The following SEMA3A variants were observed in gnomAD, a reference collection of about 807,000 sequenced individuals.
SEMA3A encodes the protein semaphorin-3A.
A neutral mutation model predicts 97.9 loss-of-function variants in SEMA3A; 29 were observed. The ratio of observed to expected loss-of-function variants is 0.30; its 90% CI spans 0.22 to 0.40. SEMA3A has a LOEUF of 0.40. Ranked by LOEUF, SEMA3A falls within the 10% of genes least tolerant of loss-of-function variation. The pLI, the probability that SEMA3A is intolerant of heterozygous loss-of-function variation, is 1.00. For synonymous variants in SEMA3A, 321 were observed against 323.7 expected (o/e 0.99, Z 0.09); for missense variants, 763 against 951.3 (o/e 0.80, Z 2.60).
chr7:84,091,208 GAAAGA>G (rs1192541607), intron 4 of SEMA3A, among the ~76,000 whole-genome samples: 1,587 of 67,846 alleles, frequency 0.023, 208 homozygotes, highest in Middle Eastern at 0.045. Context: ...AAGAAAGAAA[GAAAGA>G]AAAGAAAAGA....
intron 1 of SEMA3A, among the ~76,000 whole-genome samples, chr7:84,420,199 AG>A (rs1804550595): frequency 6.6e-6 from 1 of 151,406 alleles, no homozygotes; most frequent in African/African-American, 2.4e-5. Flanking sequence ...AAAAAAAAAA[AG>A]TGACAGATAC....
chr7:83,996,072 A>G (rs1361414697), intron 12 of SEMA3A, among the ~76,000 whole-genome samples: 1 of 152,172 alleles, frequency 6.6e-6, no homozygotes, highest in Non-Finnish European at 1.5e-5. Context: ...CTGTCCTAAG[A>G]GCACTGCAAC....
At chr7:84,359,172 T>A (rs1459023475) in intron 2 of SEMA3A, among the ~76,000 whole-genome samples, 1 of 152,142 alleles carries the variant, frequency 6.6e-6, no homozygotes, top group African/African-American at 2.4e-5. Context: ...CTTCCAACAC[T>A]ATGTTGAATA....
At chr7:83,992,671 G>A (rs12534705) in intron 12 of SEMA3A, among the ~76,000 whole-genome samples, 20,154 of 151,084 alleles carry the variant, frequency 0.13, 1,519 homozygotes, top group South Asian at 0.2. Context: ...TGATTGCACT[G>A]TGGTCTGAGA....
intron 2 of SEMA3A, among the ~76,000 whole-genome samples, chr7:84,337,172 T>C (rs1363129927): frequency 1.3e-5 from 2 of 152,186 alleles, no homozygotes; most frequent in Non-Finnish European, 2.9e-5. Flanking sequence ...ATTAGGAGTG[T>C]CTGGCACACA....
chr7:84,113,028 G>C (rs1431116121), intron 3 of SEMA3A, among the ~76,000 whole-genome samples: 1 of 152,320 alleles, frequency 6.6e-6, no homozygotes, highest in African/African-American at 2.4e-5. Context: ...AGGTTGTACT[G>C]TTACCATGCC....
chr7:84,015,693 C>CT (rs1297738545), intron 6 of SEMA3A, among the ~76,000 whole-genome samples: 1 of 152,212 alleles, frequency 6.6e-6, no homozygotes, highest in Non-Finnish European at 1.5e-5. Context: ...GCTTTATCCA[C>CT]ATATAATCCA....
chr7:84,397,810 A>G (rs953004783), intron 1 of SEMA3A, among the ~76,000 whole-genome samples: 1 of 152,134 alleles, frequency 6.6e-6, no homozygotes, highest in Admixed American at 6.6e-5. Context: ...TAGTCTACCT[A>G]TATGGACTTT....
chr7:84,207,496 C>A (rs35929386), intron 3 of SEMA3A, among the ~76,000 whole-genome samples: 9,576 of 152,174 alleles, frequency 0.063, 353 homozygotes, highest in African/African-American at 0.092. Context: ...CATTTTCTTA[C>A]TTAAAATATA....
In SEMA3A at chr7:84,152,956, T is replaced by C. The variant is rs186056294; in HGVS notation, c.113-18005A>G. On this transcript the variant is annotated intron_variant, in intron 1 of 16. Transcript: ENST00000265362. Reference sequence around the variant, plus strand: ...CTTTTCCCAATTATAACTGTTATTTTATCATTTCTAAGTACTCAAGGTGGA... The same window carrying C: ...CTTTTCCCAATTATAACTGTTATTTCATCATTTCTAAGTACTCAAGGTGGA... Among the ~76,000 whole-genome samples, 174 of 152,270 alleles carry C rather than the reference T, an allele frequency of 1.1e-3. 1 individual carries two copies. In the East Asian group the frequency reaches 0.013, roughly 11 times the overall value.
At chr7:84,225,646 A>G (rs1798973386) in intron 3 of SEMA3A, among the ~76,000 whole-genome samples, 4 of 152,050 alleles carry the variant, frequency 2.6e-5, no homozygotes, top group Admixed American at 2.6e-4. Flanking sequence ...GTTTGCCTGC[A>G]TCAATCACCC....
chr7:84,045,063 C>T (rs933713921), intron 6 of SEMA3A, among the ~76,000 whole-genome samples: 3 of 151,792 alleles, frequency 2.0e-5, no homozygotes, highest in Admixed American at 6.6e-5. Flanking sequence ...AGTATAGGAT[C>T]GATCAGAACA....
intron 1 of SEMA3A, among the ~76,000 whole-genome samples, chr7:84,459,589 C>A (rs1805772010): frequency 6.6e-6 from 1 of 152,152 alleles, no homozygotes; most frequent in Non-Finnish European, 1.5e-5. Flanking sequence ...AATACAGGAT[C>A]TGAATCACAA....
At chr7:83,991,756 A>C (rs1256529231) in intron 12 of SEMA3A, among the ~76,000 whole-genome samples, 1 of 145,904 alleles carries the variant, frequency 6.9e-6, no homozygotes, top group Non-Finnish European at 1.5e-5. Flanking sequence ...ATCAATGTTC[A>C]TCAAGGATAT....
At chr7:84,418,544 T>C (rs944051251) in intron 1 of SEMA3A, among the ~76,000 whole-genome samples, 1 of 151,938 alleles carries the variant, frequency 6.6e-6, no homozygotes, top group Non-Finnish European at 1.5e-5. Flanking sequence ...CACCCTCCAA[T>C]TTGCTGCCAG....
chr7:84,275,629 G>A (rs932923857), intron 3 of SEMA3A, among the ~76,000 whole-genome samples: 1 of 151,830 alleles, frequency 6.6e-6, no homozygotes, highest in African/African-American at 2.4e-5. Flanking sequence ...AAAGTTCTCA[G>A]GGGTTGCTGG....
chr7:84,285,368 T>C (rs1562886587), intron 3 of SEMA3A, among the ~76,000 whole-genome samples: 2 of 151,958 alleles, frequency 1.3e-5, no homozygotes, highest in Non-Finnish European at 1.5e-5. Flanking sequence ...CAAAAGTATA[T>C]AAGAAAAAAA....
At chr7:83,973,615 C>T (rs74895694) in intron 15 of SEMA3A, among the ~76,000 whole-genome samples, 3,740 of 152,130 alleles carry the variant, frequency 0.025, 157 homozygotes, top group African/African-American at 0.086. Context: ...ATTTACAGTT[C>T]TACAGATCAT....
At chr7:84,150,383 ACACTGT>A (rs1554335965) in intron 1 of SEMA3A, among the ~76,000 whole-genome samples, 2 of 151,776 alleles carry the variant, frequency 1.3e-5, no homozygotes, top group Non-Finnish European at 3.0e-5. Context: ...GTGGGTGCGC[ACACTGT>A]GCGCGAGCCG....
Sources: gnomAD v4.1 joint callset for allele counts (sites outside exome capture counted in the v4.1 genomes callset) on GRCh38, gnomAD v4.1.1 for gene constraint, MANE v1.5 for transcripts, NCBI Gene and HGNC (gene_info 2026-07-23, HGNC 2026-07-21) for gene names.